Variants in MAP2K6 observed in about 807,000 individuals in gnomAD.
The protein encoded by MAP2K6 is mitogen-activated protein kinase kinase 6, also known as dual specificity mitogen-activated protein kinase kinase 6.
A neutral mutation model predicts 53.7 loss-of-function variants in MAP2K6; 16 were observed. The ratio of observed to expected loss-of-function variants is 0.30; its 90% CI spans 0.20 to 0.45. MAP2K6 has a LOEUF of 0.45. Ranked by LOEUF, MAP2K6 falls within the 20% of genes least tolerant of loss-of-function variation. The pLI, the probability that MAP2K6 is intolerant of heterozygous loss-of-function variation, is 1.00. For synonymous variants in MAP2K6, 132 were observed against 143.1 expected, an observed-to-expected ratio of 0.92 and a Z score of 0.55; for missense variants, 204 against 411.9, an observed-to-expected ratio of 0.50 and a Z score of 4.37.
At chr17:69,471,558 C>G (rs1358069938) in intron 1 of MAP2K6, among the ~76,000 whole-genome samples, 2 of 152,184 alleles carry the variant, frequency 1.3e-5, no homozygotes, top group Admixed American at 1.3e-4. Context: ...ATATTACCTA[C>G]TAGGCGCAAT....
intron 5 of MAP2K6, chr17:69,519,985 T>C: frequency 2.9e-6 from 1 of 343,600 alleles, no homozygotes; most frequent in Non-Finnish European, 5.3e-6. Flanking sequence ...CCTGGATATC[T>C]GGGGTTGTAT....
intron 1 of MAP2K6, among the ~76,000 whole-genome samples, chr17:69,490,665 C>T (rs942936706): frequency 6.6e-6 from 1 of 152,058 alleles, no homozygotes; most frequent in Non-Finnish European, 1.5e-5. Flanking sequence ...TTTTCTGTAG[C>T]TGCTGTAACA....
chr17:69,463,477 T>C (rs1328282062), intron 1 of MAP2K6, among the ~76,000 whole-genome samples: 2 of 149,916 alleles, frequency 1.3e-5, no homozygotes, highest in Non-Finnish European at 3.0e-5. Flanking sequence ...TGTATATATA[T>C]ACACACATAT....
At chr17:69,437,340 A>G (rs1290707463) in intron 1 of MAP2K6, among the ~76,000 whole-genome samples, 1 of 152,212 alleles carries the variant, frequency 6.6e-6, no homozygotes, top group East Asian at 1.9e-4. Context: ...GAAATGGATC[A>G]TCATAAAGGT....
At chr17:69,419,469 C>G (rs1906007434) in intron 1 of MAP2K6, among the ~76,000 whole-genome samples, 1 of 152,148 alleles carries the variant, frequency 6.6e-6, no homozygotes, top group Non-Finnish European at 1.5e-5. Flanking sequence ...TACCTTTCTT[C>G]ATCCTGGGTA....
chr17:69,504,468 G>A (rs1909353024), intron 1 of MAP2K6: 1 of 152,174 alleles, frequency 6.6e-6, no homozygotes. Flanking sequence ...GTAGAGACAG[G>A]ATTTCACCGT....
intron 2 of MAP2K6, among the ~76,000 whole-genome samples, chr17:69,509,747 G>A (rs1909713949): frequency 6.6e-6 from 1 of 152,092 alleles, no homozygotes; most frequent in Non-Finnish European, 1.5e-5. Context: ...TAAGTATGAA[G>A]CGAACTGTAG....
chr17:69,482,828 C>T (rs1355728588), intron 1 of MAP2K6, among the ~76,000 whole-genome samples: 3 of 152,024 alleles, frequency 2.0e-5, no homozygotes, highest in African/African-American at 7.2e-5. Flanking sequence ...GACAAAAGGA[C>T]TATGCATTCA....
rs757273171 is a variant in MAP2K6, at chr17:69,526,527, G to T, written c.742-43G>T. The T allele has an allele frequency of 6.9e-6, 11 of 1,600,882 alleles. No individual in the cohort carries two copies. The South Asian group carries it at 1.2e-4, about 18-fold the overall frequency. On this transcript the variant is annotated intron_variant, in intron 9 of 11. Coordinates refer to ENST00000590474, the MANE Select transcript of MAP2K6 (RefSeq NM_002758.4). ...GAAACGTGGGTGATTCCCTAAAGCA[G>T]CCCTGTTGAAACTGTTGTCTCCTTT... is the stretch of plus-strand genomic sequence containing the variant.
At chr17:69,508,445 A>C (rs1434607024) in intron 2 of MAP2K6, among the ~76,000 whole-genome samples, 1 of 152,138 alleles carries the variant, frequency 6.6e-6, no homozygotes, top group East Asian at 1.9e-4. Context: ...TTCCATCTAT[A>C]TATTTTTGGT....
chr17:69,502,233 C>T (rs1482495813), intron 1 of MAP2K6: 5 of 985,402 alleles, frequency 5.1e-6, no homozygotes, highest in Non-Finnish European at 6.0e-6. Context: ...TGCTGCAATC[C>T]GAACTTGAGG....
At position 69,516,912 on chromosome 17, in the gene MAP2K6, A is replaced by T. The variant is rs765962368; in HGVS notation, c.132+9A>T. On this transcript the variant is annotated intron_variant, in intron 3 of 11. Coordinates refer to ENST00000590474, the MANE Select transcript of MAP2K6 (RefSeq NM_002758.4). ...TTTCTATTGGAAATCAGGTAAGAAA[A>T]AATCATGTCTGCCACCTAATACGTT... 1 of 1,587,004 alleles carries T rather than the reference A, an allele frequency of 6.3e-7. No individual in the cohort carries two copies. Among genetic ancestry groups the T allele is most frequent in the South Asian group, 1.1e-5 (1 of 90,144 alleles).
intron 1 of MAP2K6, among the ~76,000 whole-genome samples, chr17:69,441,058 G>A (rs9905795): frequency 0.53 from 79,842 of 151,954 alleles, 21,222 homozygotes; most frequent in East Asian, 0.61. Context: ...CATTACATTC[G>A]TGTGTTATGT....
intron 1 of MAP2K6, among the ~76,000 whole-genome samples, chr17:69,483,671 A>G (rs181547819): frequency 4.7e-4 from 71 of 152,228 alleles, no homozygotes; most frequent in African/African-American, 1.6e-3. Flanking sequence ...ATGAACTCGG[A>G]GGAATCACAC....
intron 1 of MAP2K6, chr17:69,502,695 ATGT>A: frequency 1.0e-6 from 1 of 985,422 alleles, no homozygotes; most frequent in Non-Finnish European, 1.2e-6. Flanking sequence ...GGTAAGAATG[ATGT>A]TGATGTGGGG....
Position 69,520,903 on chromosome 17 carries a change from A to G in MAP2K6, c.484-146A>G, listed in dbSNP as rs555528866. ...TGGAGTCCAATTTGTGTAACTTCCT[A>G]TGTATTTTCCTAGATAGGACCACCA... On this transcript the variant is annotated intron_variant, in intron 6 of 11. Coordinates refer to ENST00000590474, the MANE Select transcript of MAP2K6 (RefSeq NM_002758.4). 6.9e-4 allele frequency: 396 copies of G among 577,478 alleles called. 3 individuals carry two copies. The highest frequency in any genetic ancestry group is 5.0e-3 in the South Asian group (215 of 42,688). The allele number at this position is 577,478 out of a possible 1,614,324, so 35.8% of individuals were successfully genotyped here.
intron 1 of MAP2K6, among the ~76,000 whole-genome samples, chr17:69,455,035 ATTT>A (rs34777682): frequency 2.2e-4 from 29 of 130,200 alleles, no homozygotes; most frequent in East Asian, 4.4e-4. Context: ...TACTATTATT[ATTT>A]TTTTTTTTTT....
At chr17:69,468,980 A>T (rs1907900888) in intron 1 of MAP2K6, among the ~76,000 whole-genome samples, 1 of 152,240 alleles carries the variant, frequency 6.6e-6, no homozygotes, top group Admixed American at 6.5e-5. Flanking sequence ...TGAACAAGTC[A>T]TGGGAGATGG....
At chr17:69,480,555 C>A (rs780571563) in intron 1 of MAP2K6, among the ~76,000 whole-genome samples, 2 of 152,164 alleles carry the variant, frequency 1.3e-5, no homozygotes, top group African/African-American at 4.8e-5. Flanking sequence ...GTCATTAGAG[C>A]CACTGGGTAT....
Sources: allele counts gnomAD v4.1 joint callset (sites outside exome capture counted in the v4.1 genomes callset), GRCh38; gene constraint gnomAD v4.1.1; transcripts MANE v1.5; gene names NCBI Gene and HGNC (gene_info 2026-07-23, HGNC 2026-07-21).